Variants in OTOG observed in about 807,000 individuals in gnomAD.
The protein encoded by OTOG is otogelin.
A neutral mutation model predicts 313.8 loss-of-function variants in OTOG; 296 were observed. The ratio of observed to expected loss-of-function variants is 0.94; its 90% CI spans 0.86 to 1.04. OTOG has a LOEUF of 1.04. Ranked by LOEUF, OTOG falls within the 50% of genes least tolerant of loss-of-function variation. The pLI is 0.00. For synonymous variants in OTOG, 1,533 were observed against 1,554.9 expected (o/e 0.99, Z 0.33); for missense variants, 3,948 against 3,840.1 (o/e 1.03, Z -0.74).
chr11:17,578,512 C>T lies in OTOG; in HGVS notation c.2745C>T (p.Cys915=), dbSNP rs548576814. Reference sequence around the variant, plus strand: ...CCCGTGGCCCCTGCCTCTCGGGCTGCGCCTGTCCCCAGGGGTAAGTACCCA... The same window carrying T: ...CCCGTGGCCCCTGCCTCTCGGGCTGTGCCTGTCCCCAGGGGTAAGTACCCA... The part of the protein sequence containing the change: ...VSARGPCLSG[C]ACPQGLLRHG... The change falls in exon 23 of 56, where the codon TGC becomes TGT. Residue 915 remains cysteine, a synonymous_variant. Coordinates refer to ENST00000399397, the MANE Select transcript of OTOG (RefSeq NM_001292063.2). 3.3e-5 allele frequency: 51 copies of T among 1,535,916 alleles called. 1 individual carries two copies. In the East Asian group the frequency reaches 4.4e-4, roughly 13 times the overall value.
intron 25 of OTOG, 97 bp downstream of exon 25, chr11:17,591,685 G>A (rs1255767771): frequency 2.4e-5 from 35 of 1,441,804 alleles, no homozygotes; most frequent in South Asian, 8.0e-5. Context: ...TTGGGTGATC[G>A]GGGATCTAAG....
Position 17,593,706 on chromosome 11 carries a change from T to C in OTOG, c.3238T>C (p.Leu1080=). 1 of 1,548,884 alleles carries C rather than the reference T, an allele frequency of 6.5e-7. No homozygotes were observed. Among genetic ancestry groups the C allele is most frequent in the Non-Finnish European group, 8.7e-7 (1 of 1,146,966 alleles). Residue 1080 remains leucine (L), a synonymous_variant, in exon 27 of 56, where the codon TTG becomes CTG. Transcript: ENST00000399397. ...VHFPQEHITL[L]WDQRTTVHVQ... Reference sequence around the variant, plus strand: ...TTTCCCACAGGAGCACATCACCCTCTTGTGGGACCAGAGAACCACAGTGCA... The same window carrying C: ...TTTCCCACAGGAGCACATCACCCTCCTGTGGGACCAGAGAACCACAGTGCA...
chr11:17,596,783 C>A, intron 29 of OTOG, 68 bp from the exon 30 acceptor site: 1 of 1,408,556 alleles, frequency 7.1e-7, no homozygotes. Context: ...TGGTCGTCAT[C>A]AGCTGAAAAG....
intron 1 of OTOG, 103 bp from the exon 2 acceptor site, chr11:17,547,824 T>A (rs1851842045): frequency 2.3e-6 from 1 of 435,488 alleles, no homozygotes; most frequent in Non-Finnish European, 4.0e-6. Context: ...AATGGGGGAA[T>A]GCTCAGTGGC....
At chr11:17,563,593 C>G (rs541610275) in intron 15 of OTOG, among the ~76,000 whole-genome samples, 2 of 152,220 alleles carry the variant, frequency 1.3e-5, no homozygotes, top group Non-Finnish European at 2.9e-5. Flanking sequence ...TGGCATAAGA[C>G]AGACAAGACA....
At chr11:17,559,710 G>A (rs1348280953) in intron 12 of OTOG, 48 bp downstream of exon 12, 47 of 1,539,498 alleles carry the variant, frequency 3.1e-5, no homozygotes, top group African/African-American at 5.5e-5. Context: ...TCCTGGCCTG[G>A]CACAGATGGC....
rs535312212 is a variant in OTOG at position 17,640,992 on chromosome 11, C to G, written c.8091C>G (p.Gly2697=). ...GQTVVELSAD[G]VCHTSRCTTV... ...CAGTGGTGGAGCTCTCAGCAGATGG[C>G]GTGTGCCACACCTCCCGCTGCACCA... Residue 2697 remains glycine, a synonymous_variant, in exon 51 of 56, where the codon GGC becomes GGG. Coordinates refer to ENST00000399397, the MANE Select transcript of OTOG (RefSeq NM_001292063.2). 13 of 1,548,496 alleles carry G rather than the reference C, an allele frequency of 8.4e-6. 1 individual carries two copies. The South Asian group carries it at 1.4e-4, about 17-fold the overall frequency.
intron 31 of OTOG, 150 bp from the exon 32 acceptor site, chr11:17,602,060 G>A (rs1853267928): frequency 3.4e-6 from 3 of 874,000 alleles, no homozygotes; most frequent in Non-Finnish European, 3.4e-6. Context: ...GGGTCATCAA[G>A]GTCCCTGAGA....
chr11:17,617,734 T>C (rs1168863240), intron 39 of OTOG, among the ~76,000 whole-genome samples: 3 of 152,182 alleles, frequency 2.0e-5, no homozygotes, highest in Non-Finnish European at 4.4e-5. Flanking sequence ...TCAAACTTAC[T>C]GTCCTTCTCA....
At position 17,641,894 on chromosome 11, in the gene OTOG, C is replaced by T. The variant is rs1847981371; in HGVS notation, c.8238C>T (p.Ser2746=). ...GGGACCTCGCTGCCTGCTGCGGCTC[C>T]TGCAGGAACGTGTCCTGTCTCTTCA... The part of the protein sequence containing the change: ...HPRDLAACCG[S]CRNVSCLFTF... Residue 2746 remains serine (S), a synonymous_variant, in exon 52 of 56, where the codon TCC becomes TCT. Transcript: ENST00000399397. The T allele has an allele frequency of 6.5e-7, 1 of 1,550,344 alleles. No homozygotes were observed. Among genetic ancestry groups the T allele is most frequent in the Admixed American group, 2.0e-5 (1 of 50,992 alleles).
chr11:17,612,087 C>A, intron 36 of OTOG, 75 bp from the exon 37 acceptor site: 1 of 1,507,770 alleles, frequency 6.6e-7, no homozygotes, highest in Non-Finnish European at 9.0e-7. Context: ...TGGGAAGGAT[C>A]TGGTGCCATC....
At chr11:17,575,632 T>A in intron 20 of OTOG, among the ~76,000 whole-genome samples, 1 of 152,170 alleles carries the variant, frequency 6.6e-6, no homozygotes, top group Middle Eastern at 3.2e-3. Context: ...CCTCTGTTTC[T>A]CCGTCTGTAA....
At position 17,553,128 on chromosome 11, in the gene OTOG, C is replaced by T. The variant is rs1328449022; in HGVS notation, c.302C>T (p.Ser101Phe). ...TGTGTCTCCCATGCAGACTTGTTCT[C>T]CTGCTTCAATGGAGGCGAGTGTGTG... ...RAKCAPSYLF[S>F]CFNGGECVHP... Residue 101 changes from serine to phenylalanine, a missense_variant, in exon 5 of 56, where the codon TCC becomes TTC. Coordinates refer to ENST00000399397, the MANE Select transcript of OTOG (RefSeq NM_001292063.2). The T allele has an allele frequency of 6.4e-7, 1 of 1,550,406 alleles. No homozygotes were observed. The highest frequency in any genetic ancestry group is 1.4e-5 in the African/African-American group (1 of 73,048).
Position 17,641,814 on chromosome 11 carries a change from T to G in OTOG, c.8191-33T>G, listed in dbSNP as rs536546147. On this transcript the variant is annotated intron_variant, in intron 51 of 55. Transcript: ENST00000399397. ...GGGAGAGCCAGGGTGGAGGTGGGCA[T>G]CTGGCTGAGGCCCACCCCGCCCTGG... 638 of 1,487,256 alleles carry G rather than the reference T, an allele frequency of 4.3e-4. 5 individuals are homozygous for G. The South Asian group carries it at 6.2e-3, about 14-fold the overall frequency. 92.1% of individuals were successfully genotyped at this position (1,487,256 alleles called of 1,614,324 possible).
At position 17,574,752 on chromosome 11, in the gene OTOG, C is replaced by A; in HGVS notation, c.2326C>A (p.Pro776Thr). ...CTGTGAGGCCTCCAAGGAGTATAGC[C>A]CCTGCGTGGCCCCGTGTGGACGTAC... Reference protein sequence around the residue: ...LSCEASKEYSPCVAPCGRTCQ... With the variant: ...LSCEASKEYSTCVAPCGRTCQ... Residue 776 changes from proline (P) to threonine (T), a missense_variant, in exon 20 of 56, where the codon CCC becomes ACC. Physicochemically the swap from Pro to Thr is conservative, Grantham distance 38. Transcript: ENST00000399397. The A allele has an allele frequency of 6.4e-7, 1 of 1,550,660 alleles. No homozygotes were observed. Among genetic ancestry groups the A allele is most frequent in the South Asian group, 1.2e-5 (1 of 84,058 alleles).
intron 39 of OTOG, among the ~76,000 whole-genome samples, chr11:17,619,639 T>G (rs1028837769): frequency 2.6e-5 from 4 of 152,186 alleles, no homozygotes; most frequent in African/African-American, 9.6e-5. Context: ...TTATATTGCA[T>G]CATATATACC....
chr11:17,611,055 C>G lies in OTOG; in HGVS notation c.5755C>G (p.Leu1919Val). The change falls in exon 36 of 56, where the codon CTG (leucine) becomes GTG (valine). Residue 1919 changes from leucine to valine, a missense_variant. By Grantham distance (32) the Leu-to-Val change is conservative (BLOSUM62 1). Transcript: ENST00000399397. ...GGCCATCCTATCCAAGCAAGTGTCTCTGCCCACTTCCATGTATGGTTCTGC... is the reference window on the plus strand; with the variant it reads ...GGCCATCCTATCCAAGCAAGTGTCTGTGCCCACTTCCATGTATGGTTCTGC... Reference protein sequence around the residue: ...KVAILSKQVSLPTSMYGSAEG... With the variant: ...KVAILSKQVSVPTSMYGSAEG... The G allele has an allele frequency of 1.3e-6, 2 of 1,550,680 alleles. No homozygotes were observed. The highest frequency in any genetic ancestry group is 1.7e-6 in the Non-Finnish European group (2 of 1,147,020).
chr11:17,622,951 C>A (rs1853899214), intron 39 of OTOG, among the ~76,000 whole-genome samples: 2 of 152,150 alleles, frequency 1.3e-5, no homozygotes, highest in Admixed American at 1.3e-4. Flanking sequence ...AACTAATTTA[C>A]ATTCCCACCA....
In OTOG at chr11:17,578,566, C is replaced by T. The variant is rs1349373268; in HGVS notation, c.2759+40C>T. On this transcript the variant is annotated intron_variant, in intron 23 of 55. Coordinates refer to ENST00000399397, the MANE Select transcript of OTOG (RefSeq NM_001292063.2). ...TGTCGTGGGCCCGTGATCCTGAAGG[C>T]TGGCAGAACCAAGGGCCACAGGGTG... 4.0e-6 allele frequency: 6 copies of T among 1,487,354 alleles called. No homozygotes were observed. In the South Asian group the frequency reaches 7.9e-5, roughly 20 times the overall value. 92.1% of individuals were successfully genotyped at this position (1,487,354 alleles called of 1,614,324 possible).
Sources: gnomAD v4.1 joint callset for allele counts (sites outside exome capture counted in the v4.1 genomes callset) on GRCh38, gnomAD v4.1.1 for gene constraint, MANE v1.5 for transcripts, NCBI Gene and HGNC (gene_info 2026-07-23, HGNC 2026-07-21) for gene names.